Variants in ZMIZ1 observed in about 807,000 individuals in gnomAD.
ZMIZ1 encodes zinc finger MIZ-type containing 1.
Under a neutral mutation model 113.9 loss-of-function variants are expected in ZMIZ1, and 17 were observed. That is an observed-to-expected ratio of 0.15 (90% CI 0.10 to 0.22). ZMIZ1 has a LOEUF of 0.22. Ranked by LOEUF, ZMIZ1 falls within the 10% of genes least tolerant of loss-of-function variation. ZMIZ1 has a pLI of 1.00. For synonymous variants in ZMIZ1, 607 were observed against 603.1 expected (o/e 1.01, Z -0.09); for missense variants, 1,059 against 1,477.8 (o/e 0.72, Z 4.65).
At chr10:79,310,831 T>A in intron 23 of ZMIZ1, 93 bp from the exon 24 acceptor site, 1 of 1,421,728 alleles carries the variant, frequency 7.0e-7, no homozygotes, top group Non-Finnish European at 9.5e-7. Context: ...GGTTGTGACT[T>A]CCCTGGTTGT....
At chr10:79,122,138 G>T (rs1844317468) in intron 2 of ZMIZ1, among the ~76,000 whole-genome samples, 1 of 152,238 alleles carries the variant, frequency 6.6e-6, no homozygotes, top group Middle Eastern at 3.4e-3. Flanking sequence ...TTAGCGCCAA[G>T]AACTGAGTTC....
chr10:79,158,300 C>T (rs922185770), intron 3 of ZMIZ1, among the ~76,000 whole-genome samples: 2 of 152,156 alleles, frequency 1.3e-5, no homozygotes, highest in African/African-American at 4.8e-5. Context: ...GTAACCCCTG[C>T]CCAGCACAGC....
chr10:79,306,062 A>ACCCCGGAGCCTCAGCTCTG (rs753981652), intron 21 of ZMIZ1, 38 bp from the exon 22 acceptor site: 5 of 1,594,962 alleles, frequency 3.1e-6, no homozygotes, highest in Non-Finnish European at 4.3e-6. Flanking sequence ...AAAGCCAGGC[A>ACCCCGGAGCCTCAGCTCTG]CCCCGGAGCC....
At chr10:79,218,822 C>T (rs1848845066) in intron 7 of ZMIZ1, among the ~76,000 whole-genome samples, 1 of 152,116 alleles carries the variant, frequency 6.6e-6, no homozygotes, top group African/African-American at 2.4e-5. Flanking sequence ...AGAAGGGGAG[C>T]ATGCACGGCT....
chr10:79,299,251 T>G, intron 16 of ZMIZ1, 60 bp downstream of exon 16: 1 of 1,551,736 alleles, frequency 6.4e-7, no homozygotes. Context: ...CTGGGATGGC[T>G]TCCTTGGGCC....
At chr10:79,170,897 C>T (rs1017220428) in intron 4 of ZMIZ1, among the ~76,000 whole-genome samples, 4 of 152,146 alleles carry the variant, frequency 2.6e-5, no homozygotes, top group East Asian at 3.9e-4. Flanking sequence ...TGGGCAGCCC[C>T]GCCAGGCTTA....
chr10:79,251,872 C>G (rs1850573704), intron 7 of ZMIZ1, among the ~76,000 whole-genome samples: 1 of 152,174 alleles, frequency 6.6e-6, no homozygotes, highest in Admixed American at 6.5e-5. Flanking sequence ...GGCAGCAGCA[C>G]CCAAAACAGA....
chr10:79,275,662 G>A (rs1205137337), intron 7 of ZMIZ1, among the ~76,000 whole-genome samples: 2 of 152,220 alleles, frequency 1.3e-5, no homozygotes, highest in Non-Finnish European at 2.9e-5. Context: ...GGGCTGGGGA[G>A]CTGTGAACAC....
At chr10:79,270,378 C>T (rs1163836782) in intron 7 of ZMIZ1, among the ~76,000 whole-genome samples, 1 of 152,200 alleles carries the variant, frequency 6.6e-6, no homozygotes, top group African/African-American at 2.4e-5. Context: ...ACCACAGGGT[C>T]ACTGGCTAGT....
intron 7 of ZMIZ1, among the ~76,000 whole-genome samples, chr10:79,235,526 A>G (rs983130159): frequency 6.6e-6 from 1 of 152,134 alleles, no homozygotes; most frequent in Non-Finnish European, 1.5e-5. Context: ...CTCAGCTCAT[A>G]TGCCTCAGGT....
chr10:79,170,814 C>T (rs1368467802), intron 4 of ZMIZ1, among the ~76,000 whole-genome samples: 3 of 152,068 alleles, frequency 2.0e-5, no homozygotes, highest in Non-Finnish European at 4.4e-5. Flanking sequence ...GGGAGCTCCA[C>T]GTGGCTCACA....
chr10:79,169,390 C>G (rs1264564429), intron 4 of ZMIZ1, among the ~76,000 whole-genome samples: 1 of 152,258 alleles, frequency 6.6e-6, no homozygotes, highest in Non-Finnish European at 1.5e-5. Flanking sequence ...AGGATTGAGC[C>G]AGGAGGACTT....
chr10:79,154,143 C>A (rs1377325484), intron 3 of ZMIZ1, among the ~76,000 whole-genome samples: 1 of 152,226 alleles, frequency 6.6e-6, no homozygotes, highest in African/African-American at 2.4e-5. Context: ...AAGTGACTTT[C>A]TTGTGGGCCA....
At chr10:79,194,304 CAT>C (rs879669661) in intron 4 of ZMIZ1, among the ~76,000 whole-genome samples, 1 of 152,272 alleles carries the variant, frequency 6.6e-6, no homozygotes, top group African/African-American at 2.4e-5. Context: ...CAAGGGGTCA[CAT>C]GTGTATGTGC....
chr10:79,306,132 C>A lies in ZMIZ1; in HGVS notation c.2456C>A (p.Thr819Lys). 6.2e-7 allele frequency: 1 copy of A among 1,613,862 alleles called. No homozygotes were observed. The highest frequency in any genetic ancestry group is 1.1e-5 in the South Asian group (1 of 91,086). ...TTTGAAGAGGTCACCATCGATCCCA[C>A]GTGCAGCTGGCGGCCGGTGCCCATC... ...SEFEEVTIDP[T>K]CSWRPVPIKS... Residue 819 changes from threonine (T) to lysine (K), a missense_variant, in exon 22 of 25, where the codon ACG (threonine) becomes AAG (lysine). Physicochemically the swap from Thr to Lys is moderately conservative, Grantham distance 78. Transcript: ENST00000334512.
intron 4 of ZMIZ1, among the ~76,000 whole-genome samples, chr10:79,178,309 C>T (rs772183329): frequency 6.6e-6 from 1 of 152,240 alleles, no homozygotes; most frequent in African/African-American, 2.4e-5. Flanking sequence ...TTACTGACAA[C>T]CTGCAGGTGT....
At chr10:79,267,461 A>G (rs1001688476) in intron 7 of ZMIZ1, among the ~76,000 whole-genome samples, 15 of 152,246 alleles carry the variant, frequency 9.9e-5, no homozygotes, top group African/African-American at 2.9e-4. Flanking sequence ...TGCTTTCTAC[A>G]TGCCTGGTAT....
intron 7 of ZMIZ1, among the ~76,000 whole-genome samples, chr10:79,221,194 G>A (rs1000977054): frequency 2.6e-5 from 4 of 152,218 alleles, no homozygotes; most frequent in Non-Finnish European, 5.9e-5. Context: ...AGCTTGGAGC[G>A]GGGCTTTGTC....
chr10:79,293,363 G>T lies in ZMIZ1; in HGVS notation c.958-18G>T. ...TTTTTTTTTTCTTCTCCCGTTGAAG[G>T]TCTGTTCCTCTTTCCAGATGGGTCC... On this transcript the variant is annotated intron_variant, in intron 11 of 24. Transcript: ENST00000334512. The T allele has an allele frequency of 6.7e-7, 1 of 1,503,118 alleles. No homozygotes were observed. The highest frequency in any genetic ancestry group is 8.9e-7 in the Non-Finnish European group (1 of 1,125,302). 93.1% of individuals were successfully genotyped at this position (1,503,118 alleles called of 1,614,324 possible).
Sources: allele counts gnomAD v4.1 joint callset (sites outside exome capture counted in the v4.1 genomes callset), GRCh38; gene constraint gnomAD v4.1.1; transcripts MANE v1.5; gene names NCBI Gene and HGNC (gene_info 2026-07-23, HGNC 2026-07-21).